SEC23A: variants seen among roughly 807,000 people sequenced by gnomAD.
SEC23A encodes protein transport protein Sec23A.
Under a neutral mutation model 103.7 loss-of-function variants are expected in SEC23A, and 56 were observed. The ratio of observed to expected loss-of-function variants is 0.54; its 90% CI spans 0.44 to 0.67. The LOEUF is 0.67. Among genes scored for constraint, SEC23A ranks in the 30% least tolerant of loss-of-function variants. The pLI is 0.00. For missense variants in SEC23A, 784 were observed against 936.4 expected (o/e 0.84, Z 2.12); for synonymous variants, 281 against 293.0 (o/e 0.96, Z 0.42).
At chr14:39,086,024 G>A in intron 6 of SEC23A, 118 bp from the exon 7 acceptor site, 2 of 910,280 alleles carry the variant, frequency 2.2e-6, no homozygotes, top group Non-Finnish European at 3.5e-6. Flanking sequence ...GCAGACCAAT[G>A]GTTCTCAAAC....
rs889405240 is a variant in SEC23A at position 39,086,990 on chromosome 14, T to C, written c.622A>G (p.Lys208Glu). ...KQLQEMLGLS[K>E]VPLTQATRGP... ...CGTGTTGCTTGAGTAAGTGGTACTT[T>C]AGAGAGCCCCAGCATTTCCTGTAAA... The change falls in exon 6 of 20, where the codon AAA becomes GAA. Residue 208 changes from lysine to glutamate, a missense_variant. Transcript: ENST00000307712. The C allele has an allele frequency of 3.2e-6, 5 of 1,576,118 alleles. No individual in the cohort carries two copies. In the Admixed American group the frequency reaches 6.7e-5, roughly 21 times the overall value.
chr14:39,059,278 TAAAAAAAAAAAAAAAAA>T (rs750853379), intron 13 of SEC23A, among the ~76,000 whole-genome samples: 3,248 of 72,050 alleles, frequency 0.045, 213 homozygotes, highest in African/African-American at 0.15. Flanking sequence ...AGTCCTAGTT[TAAAAAAAAAAAAAAAAA>T]AAAAAAAAAA....
At position 39,074,527 on chromosome 14, in the gene SEC23A, A is replaced by G. The variant is rs781634007; in HGVS notation, c.991T>C (p.Phe331Leu). ...GCAGCTCGATTAGCCAATGCTTCAA[A>G]ATGCTACAAAAGATTTTCTTAATTA... Reference protein sequence around the residue: ...AKYVKKGTKHFEALANRAATT... With the variant: ...AKYVKKGTKHLEALANRAATT... Residue 331 changes from phenylalanine (F) to leucine (L), a missense_variant, in exon 9 of 20, where the codon TTT (phenylalanine) becomes CTT (leucine). Phe to Leu is a conservative substitution (Grantham distance 22, BLOSUM62 0). Around this residue, in one of 2 missense-constraint regions of SEC23A, gnomAD observed 683 missense variants for 774.2 expected, o/e 0.88. Transcript: ENST00000307712. The G allele has an allele frequency of 6.3e-6, 10 of 1,587,222 alleles. No homozygotes were observed. Among genetic ancestry groups the G allele is most frequent in the South Asian group, 2.2e-5 (2 of 90,434 alleles).
At chr14:39,053,218 T>C (rs74360977) in intron 14 of SEC23A, among the ~76,000 whole-genome samples, 2,185 of 152,322 alleles carry the variant, frequency 0.014, 73 homozygotes, top group African/African-American at 0.049. Context: ...TGATGACATG[T>C]CACATGATGC....
At chr14:39,098,456 T>C (rs1211044139) in intron 1 of SEC23A, among the ~76,000 whole-genome samples, 1 of 152,096 alleles carries the variant, frequency 6.6e-6, no homozygotes, top group East Asian at 1.9e-4. Context: ...ACACGCCTAC[T>C]ATGTACCCAC....
chr14:39,056,277 T>G (rs778658395), intron 13 of SEC23A, among the ~76,000 whole-genome samples: 3 of 152,144 alleles, frequency 2.0e-5, no homozygotes, highest in Non-Finnish European at 2.9e-5. Flanking sequence ...CTGTTCTACT[T>G]ACTAGTCTCT....
chr14:39,088,108 G>C (rs1887509775), intron 5 of SEC23A: 1 of 152,164 alleles, frequency 6.6e-6, no homozygotes. Context: ...AATCAGCAAA[G>C]ACAAAAACCC....
At chr14:39,056,910 C>G (rs1435258253) in intron 13 of SEC23A, among the ~76,000 whole-genome samples, 1 of 152,098 alleles carries the variant, frequency 6.6e-6, no homozygotes, top group Non-Finnish European at 1.5e-5. Context: ...AATATTTTTA[C>G]TAGTCCAGTC....
At chr14:39,049,042 G>A (rs1885948042) in intron 14 of SEC23A, among the ~76,000 whole-genome samples, 2 of 151,954 alleles carry the variant, frequency 1.3e-5, no homozygotes, top group Non-Finnish European at 2.9e-5. Context: ...CTCAACACGT[G>A]CCTTAAAACA....
At chr14:39,071,032 A>C (rs1886824662) in intron 9 of SEC23A, among the ~76,000 whole-genome samples, 1 of 151,972 alleles carries the variant, frequency 6.6e-6, no homozygotes, top group South Asian at 2.1e-4. Context: ...CATCTCAAAA[A>C]AAGAAAAAAA....
intron 9 of SEC23A, 40 bp downstream of exon 9, chr14:39,074,375 T>C: frequency 7.9e-7 from 1 of 1,267,306 alleles, no homozygotes. Flanking sequence ...TGTCATCATT[T>C]GCTTATAATT....
At chr14:39,077,744 A>G (rs1365112855) in intron 7 of SEC23A, among the ~76,000 whole-genome samples, 1 of 152,006 alleles carries the variant, frequency 6.6e-6, no homozygotes, top group Non-Finnish European at 1.5e-5. Flanking sequence ...AGCCTGGCCA[A>G]CATGGCAAAA....
chr14:39,034,514 T>G (rs142395995), intron 19 of SEC23A, among the ~76,000 whole-genome samples: 61 of 152,354 alleles, frequency 4.0e-4, no homozygotes, highest in African/African-American at 1.4e-3. Flanking sequence ...GTCTCAAAAC[T>G]GTAACCTAAA....
At chr14:39,074,987 T>G (rs1886965968) in intron 8 of SEC23A, among the ~76,000 whole-genome samples, 2 of 151,850 alleles carry the variant, frequency 1.3e-5, no homozygotes, top group Admixed American at 6.6e-5. Context: ...GGTGCCTGTA[T>G]TCCCAGCTAC....
Position 39,047,102 on chromosome 14 carries a change from G to A in SEC23A, c.1737+1550C>T, listed in dbSNP as rs1594440410. On this transcript the variant is annotated intron_variant, in intron 15 of 19. Transcript: ENST00000307712. Reference sequence around the variant, plus strand: ...GGGATGAAGACTTCCCTTAAATTTGGTCTATGCTACCTTTTAGAAGATTAT... The same window carrying A: ...GGGATGAAGACTTCCCTTAAATTTGATCTATGCTACCTTTTAGAAGATTAT... Among the ~76,000 whole-genome samples the A allele has an allele frequency of 2.0e-5, 3 of 152,262 alleles. No homozygotes were observed. In the South Asian group the frequency reaches 6.2e-4, roughly 32 times the overall value.
intron 2 of SEC23A, 82 bp downstream of exon 2, chr14:39,095,816 G>T: frequency 8.9e-7 from 1 of 1,119,234 alleles, no homozygotes; most frequent in South Asian, 1.3e-5. Flanking sequence ...AAAAACAAAG[G>T]GATTTTTATA....
At chr14:39,062,289 T>C (rs1312033384) in intron 12 of SEC23A, among the ~76,000 whole-genome samples, 2 of 152,164 alleles carry the variant, frequency 1.3e-5, no homozygotes, top group African/African-American at 4.8e-5. Flanking sequence ...TCAGGAATAT[T>C]TGCCTTATAC....
chr14:39,091,736 G>GA (rs1251362678), intron 4 of SEC23A, 23 bp from the exon 5 acceptor site: 1 of 1,499,136 alleles, frequency 6.7e-7, no homozygotes, highest in Non-Finnish European at 9.3e-7. Flanking sequence ...TCACCAAAAA[G>GA]AAAAAATATG....
intron 12 of SEC23A, 79 bp downstream of exon 12, chr14:39,063,245 T>A (rs1192240762): frequency 1.2e-6 from 1 of 836,630 alleles, no homozygotes; most frequent in Non-Finnish European, 2.0e-6. Context: ...AAAAAAAATA[T>A]GAACTATTCA....
Sources: gnomAD v4.1 joint callset for allele counts (sites outside exome capture counted in the v4.1 genomes callset) on GRCh38, gnomAD v4.1.1 for gene constraint, gnomAD v4.1.1 regional missense constraint, MANE v1.5 for transcripts, NCBI Gene and HGNC (gene_info 2026-07-23, HGNC 2026-07-21) for gene names.